Variants in FSTL4 observed in about 807,000 individuals in gnomAD.
FSTL4 encodes the protein follistatin-related protein 4.
Under a neutral mutation model 78.2 loss-of-function variants are expected in FSTL4, and 28 were observed. The ratio of observed to expected loss-of-function variants is 0.36; its 90% CI spans 0.27 to 0.49. FSTL4 has a LOEUF of 0.49. Among genes scored for constraint, FSTL4 ranks in the 20% least tolerant of loss-of-function variants. The probability of loss-of-function intolerance (pLI) is 0.98; values close to 1 mark genes in which losing one functional copy is unlikely to be tolerated. For synonymous variants in FSTL4, 422 were observed against 440.5 expected (o/e 0.96, Z 0.53); for missense variants, 922 against 1,084.9 (o/e 0.85, Z 2.11).
chr5:133,243,311 T>A (rs1256084568), intron 7 of FSTL4, among the ~76,000 whole-genome samples: 1 of 152,252 alleles, frequency 6.6e-6, no homozygotes, highest in East Asian at 1.9e-4. Context: ...GTAGGCCTTT[T>A]TGTTTTTTCT....
At chr5:133,326,587 G>A (rs1474641565) in intron 4 of FSTL4, among the ~76,000 whole-genome samples, 1 of 152,178 alleles carries the variant, frequency 6.6e-6, no homozygotes, top group African/African-American at 2.4e-5. Context: ...CCCACTCCCT[G>A]CCAGAAAGCC....
At chr5:133,670,588 A>G in the FSTL4 span, among the ~76,000 whole-genome samples, 1 of 152,198 alleles carries the variant, frequency 6.6e-6, no homozygotes, top group Admixed American at 6.5e-5. Context: ...GTAGTAACTA[A>G]CCTGTTTCAA....
At chr5:133,739,200 A>C in the FSTL4 span, among the ~76,000 whole-genome samples, 6 of 152,152 alleles carry the variant, frequency 3.9e-5, no homozygotes, top group Non-Finnish European at 1.5e-5. Context: ...CCAGAGGGAG[A>C]ACCTCAAATA....
At chr5:133,487,685 C>A (rs1758164986) in intron 3 of FSTL4, among the ~76,000 whole-genome samples, 1 of 152,262 alleles carries the variant, frequency 6.6e-6, no homozygotes, top group African/African-American at 2.4e-5. Context: ...TATGCAGGTG[C>A]TTCTCCCTGT....
intron 6 of FSTL4, among the ~76,000 whole-genome samples, chr5:133,252,854 G>A (rs1016487402): frequency 6.6e-6 from 1 of 152,122 alleles, no homozygotes; most frequent in Non-Finnish European, 1.5e-5. Context: ...GTGTCCCTCC[G>A]GTCCTCTGCT....
At chr5:133,343,456 C>T (rs987687823) in intron 4 of FSTL4, among the ~76,000 whole-genome samples, 7 of 152,172 alleles carry the variant, frequency 4.6e-5, no homozygotes, top group African/African-American at 1.4e-4. Flanking sequence ...TCATACAGAA[C>T]GTGGAATACA....
rs1235686621 is a variant in FSTL4 at position 133,317,803 on chromosome 5, G to C, written c.410-1151C>G. On this transcript the variant is annotated intron_variant, in intron 4 of 15. Coordinates refer to ENST00000265342, the MANE Select transcript of FSTL4 (RefSeq NM_015082.2). ...GATTAAGTAAGATGTGCACATACAG[G>C]CCTTTGCACCAGCATGGCACCCAGT... Among the ~76,000 whole-genome samples, 6 of 152,194 alleles carry C rather than the reference G, an allele frequency of 3.9e-5. No homozygotes were observed. The East Asian group carries it at 1.2e-3, about 29-fold the overall frequency.
At chr5:133,614,359 G>A (rs369650010), upstream of FSTL4, among the ~76,000 whole-genome samples, 3 of 152,316 alleles carry the variant, frequency 2.0e-5, no homozygotes, top group South Asian at 4.1e-4. Context: ...ACTTCTACAC[G>A]CTTCCCAAAG....
At chr5:133,814,076 A>G in the FSTL4 span, among the ~76,000 whole-genome samples, 1 of 152,244 alleles carries the variant, frequency 6.6e-6, no homozygotes, top group African/African-American at 2.4e-5. Context: ...ACTGTCACCA[A>G]CAAGGACAGC....
intron 6 of FSTL4, among the ~76,000 whole-genome samples, chr5:133,286,282 T>C (rs1351831629): frequency 6.6e-6 from 1 of 152,182 alleles, no homozygotes; most frequent in East Asian, 1.9e-4. Flanking sequence ...GGACTGAATA[T>C]GTGAAAAGTA....
chr5:133,455,295 T>C (rs191938827), intron 3 of FSTL4, among the ~76,000 whole-genome samples: 28 of 152,186 alleles, frequency 1.8e-4, no homozygotes, highest in Non-Finnish European at 4.0e-4. Flanking sequence ...ACTCATCCTA[T>C]GAAAATGCTG....
the FSTL4 span, among the ~76,000 whole-genome samples, chr5:133,693,764 G>A: frequency 6.6e-6 from 1 of 152,210 alleles, no homozygotes; most frequent in African/African-American, 2.4e-5. Flanking sequence ...TGCATCTGGT[G>A]TAAGTCTTGG....
At chr5:133,743,913 A>G in the FSTL4 span, among the ~76,000 whole-genome samples, 1 of 152,230 alleles carries the variant, frequency 6.6e-6, no homozygotes, top group African/African-American at 2.4e-5. Flanking sequence ...GTCAAAGTGA[A>G]TCTCAGGGAC....
chr5:133,524,532 A>G (rs544085273), intron 3 of FSTL4, among the ~76,000 whole-genome samples: 1 of 152,308 alleles, frequency 6.6e-6, no homozygotes, highest in African/African-American at 2.4e-5. Flanking sequence ...AACTTGCAGA[A>G]CAGAGGGCTA....
the FSTL4 span, among the ~76,000 whole-genome samples, chr5:133,702,911 G>A: frequency 3.9e-5 from 6 of 152,116 alleles, no homozygotes; most frequent in South Asian, 2.1e-4. Flanking sequence ...CATACCCATC[G>A]CTCTCTCTTC....
At chr5:133,476,626 GA>G (rs1757930123) in intron 3 of FSTL4, among the ~76,000 whole-genome samples, 1 of 152,080 alleles carries the variant, frequency 6.6e-6, no homozygotes, top group Non-Finnish European at 1.5e-5. Context: ...AACTCACACA[GA>G]AAAAAAGTGC....
intron 7 of FSTL4, among the ~76,000 whole-genome samples, chr5:133,248,968 G>A (rs1415806276): frequency 6.6e-6 from 1 of 152,154 alleles, no homozygotes; most frequent in African/African-American, 2.4e-5. Context: ...GCACACAGCT[G>A]TCTACAGCCT....
intron 7 of FSTL4, among the ~76,000 whole-genome samples, chr5:133,235,409 G>A (rs1561634922): frequency 2.7e-5 from 4 of 148,570 alleles, no homozygotes; most frequent in Non-Finnish European, 5.9e-5. Context: ...TGAGGTAGGA[G>A]AATTGCTTGA....
chr5:133,286,321 A>G (rs1211267983), intron 6 of FSTL4, among the ~76,000 whole-genome samples: 1 of 152,160 alleles, frequency 6.6e-6, no homozygotes, highest in Non-Finnish European at 1.5e-5. Flanking sequence ...CACGGTTAAC[A>G]CTTGCTAGGT....
Sources: gnomAD v4.1 joint callset for allele counts (sites outside exome capture counted in the v4.1 genomes callset) on GRCh38, gnomAD v4.1.1 for gene constraint, MANE v1.5 for transcripts, NCBI Gene and HGNC (gene_info 2026-07-23, HGNC 2026-07-21) for gene names.